The following INPP5J variants were observed in gnomAD, a reference collection of about 807,000 sequenced individuals.
INPP5J encodes inositol polyphosphate-5-phosphatase J.
INPP5J carries 75 observed loss-of-function variants against 86.6 expected under a neutral mutation model. The observed-to-expected ratio is 0.87, with a 90% CI of 0.72 to 1.05. The LOEUF is 1.05. Among genes scored for constraint, INPP5J ranks in the 50% least tolerant of loss-of-function variants. The pLI, the probability that INPP5J is intolerant of heterozygous loss-of-function variation, is 0.00. For synonymous variants in INPP5J, 540 were observed against 550.0 expected (o/e 0.98, Z 0.25); for missense variants, 1,229 against 1,341.2 (o/e 0.92, Z 1.31).
chr22:31,127,477 A>C lies in INPP5J; in HGVS notation c.1732A>C (p.Ile578Leu). 1 of 1,613,810 alleles carries C rather than the reference A, an allele frequency of 6.2e-7. No homozygotes were observed. Among genetic ancestry groups the C allele is most frequent in the Non-Finnish European group, 8.5e-7 (1 of 1,179,834 alleles). The change falls in exon 6 of 13, where the codon ATC (isoleucine) becomes CTC (leucine). Residue 578 changes from isoleucine (I) to leucine (L), a missense_variant. Physicochemically the swap from Ile to Leu is conservative, Grantham distance 5 (BLOSUM62 2). Coordinates refer to ENST00000331075, the MANE Select transcript of INPP5J (RefSeq NM_001284285.2). ...GCAGCGCAAAGACAACTTCCAGACC[A>C]TCCTCAGCCTCCAGCAGTTCCAAGG... ...AEQRKDNFQT[I>L]LSLQQFQGPG...
In INPP5J at chr22:31,125,566, G is replaced by C; in HGVS notation, c.827G>C (p.Arg276Pro). 1.9e-6 allele frequency: 3 copies of C among 1,550,182 alleles called. No homozygotes were observed. Among genetic ancestry groups the C allele is most frequent in the Non-Finnish European group, 1.7e-6 (2 of 1,146,898 alleles). Residue 276 changes from arginine to proline, a missense_variant, in exon 2 of 13, where the codon CGG becomes CCG. Transcript: ENST00000331075. ...TGCATCCAAACCTCCCCAGACCCTCGGCTCTCCCCCTCCTTCCGAGCCCGG... is the reference window on the plus strand; with the variant it reads ...TGCATCCAAACCTCCCCAGACCCTCCGCTCTCCCCCTCCTTCCGAGCCCGG... ...PPCIQTSPDP[R>P]LSPSFRARPE...
At chr22:31,130,121 C>T (rs1342838826) in intron 9 of INPP5J, among the ~76,000 whole-genome samples, 1 of 151,894 alleles carries the variant, frequency 6.6e-6, no homozygotes, top group African/African-American at 2.4e-5. Context: ...GTGGGCGGAT[C>T]ACATGAGGCC....
At position 31,126,262 on chromosome 22, in the gene INPP5J, T is replaced by C. The variant is rs535748952; in HGVS notation, c.1272-114T>C. Reference sequence around the variant, plus strand: ...TTCGGGGCCTCCTGTGGGTCCTTCTTAGGGCTTTGGCCCACACCTGCCTCC... The same window carrying C: ...TTCGGGGCCTCCTGTGGGTCCTTCTCAGGGCTTTGGCCCACACCTGCCTCC... On this transcript the variant is annotated intron_variant, in intron 2 of 12. Transcript: ENST00000331075. The C allele has an allele frequency of 4.2e-6, 4 of 949,654 alleles. No individual in the cohort carries two copies. The East Asian group carries it at 9.7e-5, about 23-fold the overall frequency. The allele number at this position is 949,654 out of a possible 1,614,324, so 58.8% of individuals were successfully genotyped here.
At chr22:31,132,185 C>A (rs991465826) in intron 9 of INPP5J, among the ~76,000 whole-genome samples, 1 of 152,144 alleles carries the variant, frequency 6.6e-6, no homozygotes, top group Non-Finnish European at 1.5e-5. Context: ...AGAGCCTGCC[C>A]TGGGGTAACA....
At chr22:31,130,878 C>A (rs997642877) in intron 9 of INPP5J, among the ~76,000 whole-genome samples, 1 of 152,174 alleles carries the variant, frequency 6.6e-6, no homozygotes, top group African/African-American at 2.4e-5. Context: ...TGGCCCACTC[C>A]CTTTTTTTCT....
At chr22:31,128,154 C>A in intron 7 of INPP5J, 60 bp from the exon 8 acceptor site, 1 of 1,450,910 alleles carries the variant, frequency 6.9e-7, no homozygotes, top group African/African-American at 1.4e-5. Flanking sequence ...GCCCCACCCC[C>A]TCCCTGGGCA....
chr22:31,133,579 C>A (rs772406395), intron 11 of INPP5J, 31 bp from the exon 12 acceptor site: 1 of 1,599,530 alleles, frequency 6.3e-7, no homozygotes, highest in East Asian at 2.2e-5. Context: ...CCCTGACCCC[C>A]AACTTAGGCT....
chr22:31,130,021 A>C (rs763742560), intron 9 of INPP5J, among the ~76,000 whole-genome samples: 4 of 151,770 alleles, frequency 2.6e-5, no homozygotes, highest in Non-Finnish European at 5.9e-5. Flanking sequence ...CGGCCTGAGC[A>C]ACACAGTGAG....
chr22:31,130,201 C>T (rs1465937778), intron 9 of INPP5J, among the ~76,000 whole-genome samples: 1 of 152,100 alleles, frequency 6.6e-6, no homozygotes, highest in Non-Finnish European at 1.5e-5. Context: ...ATTAGCCTGG[C>T]GCAGTGGTGC....
At position 31,134,148 on chromosome 22, in the gene INPP5J, G is replaced by A. The variant is rs1922366783; in HGVS notation, c.2750G>A (p.Ser917Asn). 2.6e-6 allele frequency: 4 copies of A among 1,549,334 alleles called. No individual in the cohort carries two copies. The highest frequency in any genetic ancestry group is 1.4e-5 in the African/African-American group (1 of 73,034). Residue 917 changes from serine (S) to asparagine (N), a missense_variant, in exon 13 of 13, where the codon AGC becomes AAC. Transcript: ENST00000331075. The stretch of plus-strand genomic sequence containing the variant: ...GCCAGCCGTAGCCCCTCACCCCAGA[G>A]CCGCCGCCTGTCCCGAGTGGCTCCT... ...RGASRSPSPQ[S>N]RRLSRVAPDR...
chr22:31,128,569 T>A lies in INPP5J; in HGVS notation c.2108T>A (p.Leu703His). ...CCCTCAGGACGGAAGAGCCACCGAC[T>A]CCAGGTGACGCAGCACAGCTACCGC... ...PSPSGRKSHR[L>H]QVTQHSYRSH... The change falls in exon 9 of 13, where the codon CTC becomes CAC. Residue 703 changes from leucine to histidine, a missense_variant. Physicochemically the swap from Leu to His is moderately conservative, Grantham distance 99. Coordinates refer to ENST00000331075, the MANE Select transcript of INPP5J (RefSeq NM_001284285.2). 6.2e-7 allele frequency: 1 copy of A among 1,613,276 alleles called. No homozygotes were observed. The highest frequency in any genetic ancestry group is 8.5e-7 in the Non-Finnish European group (1 of 1,179,810).
At position 31,133,665 on chromosome 22, in the gene INPP5J, A is replaced by G. The variant is rs1174657554; in HGVS notation, c.2465A>G (p.Tyr822Cys). ...GGCCATGGAGACTTCATCCTGGGCT[A>G]CTATAGTCACAACCACAGCATCCTC... ...PKGHGDFILG[Y>C]YSHNHSILIG... The change falls in exon 12 of 13, where the codon TAC (tyrosine) becomes TGC (cysteine). Residue 822 changes from tyrosine (Y) to cysteine (C), a missense_variant. Physicochemically the swap from Tyr to Cys is radical, Grantham distance 194 (BLOSUM62 -2). Coordinates refer to ENST00000331075, the MANE Select transcript of INPP5J (RefSeq NM_001284285.2). 1.9e-6 allele frequency: 3 copies of G among 1,613,134 alleles called. No homozygotes were observed. Among genetic ancestry groups the G allele is most frequent in the African/African-American group, 1.3e-5 (1 of 74,894 alleles).
Position 31,125,640 on chromosome 22 carries a change from C to T in INPP5J, c.901C>T (p.Pro301Ser). The T allele has an allele frequency of 6.4e-7, 1 of 1,550,552 alleles. No homozygotes were observed. The highest frequency in any genetic ancestry group is 8.7e-7 in the Non-Finnish European group (1 of 1,146,974). ...SPEDPVLPRP[P>S]QTLPLDVGQG... ...TGAGGATCCTGTTTTGCCACGGCCA[C>T]CCCAGACCTTGCCCTTGGATGTGGG... The change falls in exon 2 of 13, where the codon CCC becomes TCC. Residue 301 changes from proline to serine, a missense_variant. Pro to Ser is a moderately conservative substitution (Grantham distance 74). Coordinates refer to ENST00000331075, the MANE Select transcript of INPP5J (RefSeq NM_001284285.2).
In INPP5J at chr22:31,134,299, G is replaced by A; in HGVS notation, c.2901G>A (p.Glu967=). 6.4e-7 allele frequency: 1 copy of A among 1,555,554 alleles called. No individual in the cohort carries two copies. Among genetic ancestry groups the A allele is most frequent in the Non-Finnish European group, 8.7e-7 (1 of 1,150,486 alleles). Residue 967 remains glutamate, a synonymous_variant, in exon 13 of 13, where the codon GAG becomes GAA. Transcript: ENST00000331075. ...GCCTGTTGCCCGCCTTGCGCCTAGA[G>A]ACTGTAGACCCTGGTGGTGGTGGCT... The part of the protein sequence containing the change: ...SLGLLPALRL[E]TVDPGGGGSW...
intron 9 of INPP5J, among the ~76,000 whole-genome samples, chr22:31,132,666 G>C (rs1259982820): frequency 6.6e-6 from 1 of 152,006 alleles, no homozygotes. Flanking sequence ...TTGAACCCGG[G>C]AGGTGGAGGT....
At chr22:31,132,690 G>A (rs1310324639) in intron 9 of INPP5J, among the ~76,000 whole-genome samples, 1 of 151,082 alleles carries the variant, frequency 6.6e-6, no homozygotes, top group Non-Finnish European at 1.5e-5. Context: ...AGTGAGCCGA[G>A]ATTGCACCAC....
Position 31,125,328 on chromosome 22 carries a change from G to A in INPP5J, c.589G>A (p.Glu197Lys). ...CCTGGCTTCTGAGGAGCAGCCCCCAGAACTCCCCTCCACCCCTTCCCCGGT... is the reference window on the plus strand; with the variant it reads ...CCTGGCTTCTGAGGAGCAGCCCCCAAAACTCCCCTCCACCCCTTCCCCGGT... The part of the protein sequence containing the change: ...LALASEEQPP[E>K]LPSTPSPVPS... The change falls in exon 2 of 13, where the codon GAA becomes AAA. Residue 197 changes from glutamate to lysine, a missense_variant. Physicochemically the swap from Glu to Lys is moderately conservative, Grantham distance 56. Transcript: ENST00000331075. The A allele has an allele frequency of 6.4e-7, 1 of 1,550,438 alleles. No individual in the cohort carries two copies. The highest frequency in any genetic ancestry group is 8.7e-7 in the Non-Finnish European group (1 of 1,146,954).
At position 31,127,371 on chromosome 22, in the gene INPP5J, C is replaced by A. The variant is rs560088748; in HGVS notation, c.1626C>A (p.Gly542=). The change falls in exon 6 of 13, where the codon GGC becomes GGA. Residue 542 remains glycine, a synonymous_variant. Coordinates refer to ENST00000331075, the MANE Select transcript of INPP5J (RefSeq NM_001284285.2). ...TGCCTCCCTAGGGTAACAAGGGTGG[C>A]GTGAGCGTGCGCCTGGCGGCCTTCG... ...GLGGYWGNKG[G]VSVRLAAFGH... is the part of the protein sequence containing the mutation. The A allele has an allele frequency of 6.2e-6, 10 of 1,610,996 alleles. No homozygotes were observed. The African/African-American group carries it at 8.0e-5, about 13-fold the overall frequency.
rs764754474 is a variant in INPP5J, at chr22:31,133,431, A to G, written c.2357A>G (p.Tyr786Cys). The G allele has an allele frequency of 1.2e-6, 2 of 1,613,892 alleles. No homozygotes were observed. Among genetic ancestry groups the G allele is most frequent in the Non-Finnish European group, 1.7e-6 (2 of 1,179,842 alleles). ...YRVGFRHCKDYVAYVWAKHED... is the reference protein window; with the variant it reads ...YRVGFRHCKDCVAYVWAKHED... ...GTGGGTTTCCGCCATTGCAAGGACT[A>G]TGTGGCTTATGTCTGGGCCAAACAT... The change falls in exon 11 of 13, where the codon TAT (tyrosine) becomes TGT (cysteine). Residue 786 changes from tyrosine (Y) to cysteine (C), a missense_variant. Physicochemically the swap from Tyr to Cys is radical, Grantham distance 194. Transcript: ENST00000331075.
Sources: gnomAD v4.1 joint callset for allele counts (sites outside exome capture counted in the v4.1 genomes callset) on GRCh38, gnomAD v4.1.1 for gene constraint, MANE v1.5 for transcripts, NCBI Gene and HGNC (gene_info 2026-07-23, HGNC 2026-07-21) for gene names.